The following GATB variants were observed in gnomAD, a reference collection of about 807,000 sequenced individuals.
The protein encoded by GATB is glutamyl-tRNA(Gln) amidotransferase subunit B, mitochondrial.
Under a neutral mutation model 62.3 loss-of-function variants are expected in GATB, and 39 were observed. The ratio of observed to expected loss-of-function variants is 0.63; its 90% CI spans 0.48 to 0.82. The LOEUF is 0.82. Ranked by LOEUF, GATB falls within the 40% of genes least tolerant of loss-of-function variation. The probability of loss-of-function intolerance (pLI) is 0.00; values close to 1 mark genes in which losing one functional copy is unlikely to be tolerated. For missense variants in GATB, 670 were observed against 684.0 expected, an observed-to-expected ratio of 0.98 and a Z score of 0.23; for synonymous variants, 276 against 258.9, an observed-to-expected ratio of 1.07 and a Z score of -0.63.
chr4:151,750,556 A>T (rs1252471656), intron 2 of GATB, among the ~76,000 whole-genome samples: 2 of 152,218 alleles, frequency 1.3e-5, no homozygotes, highest in African/African-American at 4.8e-5. Flanking sequence ...GAGATAAGTT[A>T]CAAGATAAGA....
intron 10 of GATB, among the ~76,000 whole-genome samples, chr4:151,688,152 G>A (rs7669761): frequency 0.42 from 63,376 of 151,966 alleles, 13,712 homozygotes; most frequent in South Asian, 0.58. Context: ...CTTTGTCTGC[G>A]TGATCTGTCC....
intron 10 of GATB, among the ~76,000 whole-genome samples, chr4:151,681,580 A>C (rs1411374859): frequency 6.6e-6 from 1 of 152,238 alleles, no homozygotes; most frequent in Non-Finnish European, 1.5e-5. Context: ...TGCAGAACCC[A>C]TAAGAAGCAC....
intron 5 of GATB, among the ~76,000 whole-genome samples, chr4:151,710,182 A>G (rs1738789536): frequency 6.6e-6 from 1 of 152,140 alleles, no homozygotes; most frequent in Non-Finnish European, 1.5e-5. Flanking sequence ...CTCCATCTTT[A>G]AGACCAGAAT....
intron 2 of GATB, among the ~76,000 whole-genome samples, chr4:151,743,590 G>A (rs1739540190): frequency 6.6e-6 from 1 of 152,198 alleles, no homozygotes; most frequent in Non-Finnish European, 1.5e-5. Flanking sequence ...TAGTGGAACA[G>A]GTTGAGAGCT....
intron 5 of GATB, among the ~76,000 whole-genome samples, chr4:151,712,282 C>A (rs1212865025): frequency 6.6e-6 from 1 of 152,124 alleles, no homozygotes; most frequent in East Asian, 1.9e-4. Context: ...AGACAAAATA[C>A]CTTTTAAACA....
intron 2 of GATB, among the ~76,000 whole-genome samples, chr4:151,726,510 T>C (rs1245449284): frequency 6.6e-6 from 1 of 152,240 alleles, no homozygotes; most frequent in Non-Finnish European, 1.5e-5. Flanking sequence ...TAAATATATA[T>C]GTTCTTTATC....
In GATB at chr4:151,730,025, G is replaced by C. The variant is rs891869110; in HGVS notation, c.328-10487C>G. ...GGAGACACCCCAAATACTCTGGGAA[G>C]TGGAAAGCCTCAGGCAAGTTTTCAA... is the stretch of plus-strand genomic sequence containing the variant. On this transcript the variant is annotated intron_variant, in intron 2 of 12. Coordinates refer to ENST00000263985, the MANE Select transcript of GATB (RefSeq NM_004564.3). This position sits in a 1 kb window ranked among gnomAD's most constrained non-coding sequence, Gnocchi z 4.1. Among the ~76,000 whole-genome samples, 3 of 152,216 alleles carry C rather than the reference G, an allele frequency of 2.0e-5. No homozygotes were observed. Among genetic ancestry groups the C allele is most frequent in the Non-Finnish European group, 4.4e-5 (3 of 68,038 alleles).
At chr4:151,697,864 C>T (rs1231611020) in intron 9 of GATB, among the ~76,000 whole-genome samples, 2 of 147,792 alleles carry the variant, frequency 1.4e-5, no homozygotes, top group East Asian at 4.0e-4. Context: ...GGCGCCACTG[C>T]ACTCCAGCCT....
chr4:151,699,929 T>TA (rs1738565178), intron 9 of GATB, among the ~76,000 whole-genome samples: 1 of 152,192 alleles, frequency 6.6e-6, no homozygotes, highest in African/African-American at 2.4e-5. Flanking sequence ...GGAGGTAACT[T>TA]AAATCTTCGA....
intron 2 of GATB, among the ~76,000 whole-genome samples, chr4:151,732,684 C>A (rs868362843): frequency 6.6e-6 from 1 of 150,550 alleles, no homozygotes; most frequent in Non-Finnish European, 1.5e-5. Flanking sequence ...GCCAAATCCC[C>A]CTCTGCGAGA....
chr4:151,710,974 C>A (rs1176139400), intron 5 of GATB, among the ~76,000 whole-genome samples: 1 of 152,216 alleles, frequency 6.6e-6, no homozygotes, highest in African/African-American at 2.4e-5. Context: ...CTGATTTGCC[C>A]CTGCACAAAG....
At position 151,757,679 on chromosome 4, in the gene GATB, G is replaced by A. The variant is rs186344142; in HGVS notation, c.327+1093C>T. The stretch of plus-strand genomic sequence containing the variant: ...CTATTAGTAGAGATGGGGTTTCACC[G>A]TGTTAGCCAGGATGGTCTCGATCTC... On this transcript the variant is annotated intron_variant, in intron 2 of 12. Transcript: ENST00000263985. Among the ~76,000 whole-genome samples, 329 of 152,132 alleles carry A rather than the reference G, an allele frequency of 2.2e-3. 1 individual carries two copies. The highest frequency in any genetic ancestry group is 3.1e-3 in the Non-Finnish European group (212 of 67,986).
chr4:151,716,277 C>CTT (rs1204900952), intron 4 of GATB, 146 bp from the exon 5 acceptor site: 1,092 of 412,554 alleles, frequency 2.6e-3, no homozygotes, highest in South Asian at 4.6e-3. Flanking sequence ...TCCCTCCCAC[C>CTT]TTTTTTTTTT....
At chr4:151,739,916 A>G (rs1739450890) in intron 2 of GATB, among the ~76,000 whole-genome samples, 1 of 152,244 alleles carries the variant, frequency 6.6e-6, no homozygotes, top group Admixed American at 6.5e-5. Flanking sequence ...CATGCCCACA[A>G]TGATGGGACA....
chr4:151,685,430 C>T (rs72730131), intron 10 of GATB, among the ~76,000 whole-genome samples: 4,778 of 152,250 alleles, frequency 0.031, 107 homozygotes, highest in Non-Finnish European at 0.051. Context: ...ATGGCTGAAT[C>T]CCCCTGACGT....
chr4:151,754,254 A>T (rs1739777906), intron 2 of GATB, among the ~76,000 whole-genome samples: 1 of 152,162 alleles, frequency 6.6e-6, no homozygotes, highest in African/African-American at 2.4e-5. Context: ...GCTACAACAC[A>T]TGGAAAACGT....
intron 5 of GATB, among the ~76,000 whole-genome samples, chr4:151,710,231 C>T (rs1385862994): frequency 6.6e-6 from 1 of 152,218 alleles, no homozygotes; most frequent in East Asian, 1.9e-4. Context: ...TTAACTCCCA[C>T]TTGCCTTCTC....
At chr4:151,716,273 C>A in intron 4 of GATB, 142 bp from the exon 5 acceptor site, 1 of 826,996 alleles carries the variant, frequency 1.2e-6, no homozygotes, top group Non-Finnish European at 1.7e-6. Flanking sequence ...CTCTTCCCTC[C>A]CACCTTTTTT....
intron 9 of GATB, among the ~76,000 whole-genome samples, chr4:151,690,501 T>C (rs972223513): frequency 6.6e-6 from 1 of 152,256 alleles, no homozygotes; most frequent in African/African-American, 2.4e-5. Context: ...AGCAGAAAAC[T>C]GCTATCTGGC....
Sources: allele counts gnomAD v4.1 joint callset (sites outside exome capture counted in the v4.1 genomes callset), GRCh38; gene constraint gnomAD v4.1.1; non-coding constraint Gnocchi (gnomAD v3.1); transcripts MANE v1.5; gene names NCBI Gene and HGNC (gene_info 2026-07-23, HGNC 2026-07-21).